Variants in IL18RAP observed in about 807,000 individuals in gnomAD.
IL18RAP encodes interleukin 18 receptor accessory protein.
In IL18RAP, 37 loss-of-function variants were observed where a neutral mutation model predicts 58.1. The ratio of observed to expected loss-of-function variants is 0.64; its 90% confidence interval spans 0.49 to 0.84. IL18RAP has a LOEUF of 0.84. Among genes scored for constraint, IL18RAP ranks in the 40% least tolerant of loss-of-function variants. The probability of loss-of-function intolerance (pLI) is 0.00; values close to 1 mark genes in which losing one functional copy is unlikely to be tolerated. For synonymous variants in IL18RAP, 268 were observed against 257.5 expected (o/e 1.04, Z -0.39); for missense variants, 667 against 704.8 (o/e 0.95, Z 0.61).
At chr2:102,433,329 C>A (rs1333050738) in intron 3 of IL18RAP, among the ~76,000 whole-genome samples, 1 of 152,142 alleles carries the variant, frequency 6.6e-6, no homozygotes, top group Non-Finnish European at 1.5e-5. Context: ...CCCAAGTGAT[C>A]CTCCAGCCTT....
intron 3 of IL18RAP, among the ~76,000 whole-genome samples, chr2:102,431,346 ATTCT>A (rs1174794991): frequency 6.6e-6 from 1 of 152,102 alleles, no homozygotes; most frequent in Non-Finnish European, 1.5e-5. Context: ...TACTTTCAAT[ATTCT>A]TTCTTTGTCT....
intron 3 of IL18RAP, among the ~76,000 whole-genome samples, chr2:102,425,256 A>T (rs1290779288): frequency 6.6e-6 from 1 of 152,192 alleles, no homozygotes; most frequent in Admixed American, 6.5e-5. Flanking sequence ...TAAAAATATC[A>T]TTCTAAATTG....
upstream of IL18RAP, among the ~76,000 whole-genome samples, chr2:102,422,626 T>A (rs2104286079): frequency 6.6e-6 from 1 of 152,310 alleles, no homozygotes; most frequent in Non-Finnish European, 1.5e-5. Context: ...CAGATCTGAT[T>A]CTCTGGAGGG....
At chr2:102,420,486 C>T (rs1341825746), upstream of IL18RAP, among the ~76,000 whole-genome samples, 3 of 152,084 alleles carry the variant, frequency 2.0e-5, no homozygotes, top group Non-Finnish European at 2.9e-5. Context: ...AGGTCTGAGG[C>T]CAGTTGGTGG....
Position 102,431,525 on chromosome 2 carries a change from T to C in IL18RAP, c.580-5687T>C, listed in dbSNP as rs532393764. ...ATATGCTTTCTGACTTCTTTTTTCTTCCATCTTCCAAAATTCCTAATATGT... is the reference window on the plus strand; with the variant it reads ...ATATGCTTTCTGACTTCTTTTTTCTCCCATCTTCCAAAATTCCTAATATGT... On this transcript the variant is annotated intron_variant, in intron 3 of 9. Coordinates refer to ENST00000687160, the MANE Select transcript of IL18RAP (RefSeq NM_001393487.1). Among the ~76,000 whole-genome samples, 10 of 152,298 alleles carry C rather than the reference T, an allele frequency of 6.6e-5. No homozygotes were observed. The South Asian group carries it at 2.1e-3, about 32-fold the overall frequency.
intron 4 of IL18RAP, among the ~76,000 whole-genome samples, chr2:102,438,208 G>T (rs1030108968): frequency 1.3e-5 from 2 of 152,194 alleles, no homozygotes; most frequent in South Asian, 4.1e-4. Flanking sequence ...GCAAGCATCA[G>T]CTTGAATCAA....
Position 102,450,893 on chromosome 2 carries a change from CT to C in IL18RAP, c.1260del (p.Pro421GlnfsTer8). On this transcript the variant is annotated frameshift_variant, in exon 9 of 10. Transcript: ENST00000687160. LOFTEE classifies it high-confidence loss of function. ...TTCGTATCCTATGCAAAATGGAGCT[CT>C]TTTCCAAGTGAGGCCACTTCATCTC... ...DAFVSYAKWSSFPSEATSSLS... is the reference protein window; with the variant it reads ...DAFVSYAKWSXFPSEATSSLS... 1 of 1,610,400 alleles carries C rather than the reference CT, an allele frequency of 6.2e-7. No individual in the cohort carries two copies. The highest frequency in any genetic ancestry group is 8.5e-7 in the Non-Finnish European group (1 of 1,178,810).
At chr2:102,434,139 C>T (rs1399064308) in intron 3 of IL18RAP, 1 of 152,222 alleles carries the variant, frequency 6.6e-6, no homozygotes, top group African/African-American at 2.4e-5. Context: ...GGACAGCTTT[C>T]TAACACCTGT....
chr2:102,446,717 C>T (rs1205761907), intron 7 of IL18RAP, among the ~76,000 whole-genome samples: 3 of 150,360 alleles, frequency 2.0e-5, no homozygotes, highest in East Asian at 1.9e-4. Context: ...AGGAGAATGG[C>T]GTGAACCCGG....
At position 102,450,789 on chromosome 2, in the gene IL18RAP, C is replaced by T. The variant is rs1199376118; in HGVS notation, c.1211-59C>T. On this transcript the variant is annotated intron_variant, in intron 8 of 9. Transcript: ENST00000687160. ...ATGATTCAAGCATATGTATGTGTAC[C>T]ATAACAGTAAAAAAAAGAGTAAATG... 4 of 1,101,496 alleles carry T rather than the reference C, an allele frequency of 3.6e-6. No homozygotes were observed. The African/African-American group carries it at 6.3e-5, about 17-fold the overall frequency. 68.2% of individuals were successfully genotyped at this position (1,101,496 alleles called of 1,614,324 possible). A position where few individuals can be genotyped will look rare whatever the true frequency, so the allele number is the denominator to read the frequency against.
chr2:102,432,301 G>A (rs1682424210), intron 3 of IL18RAP: 1 of 153,850 alleles, frequency 6.5e-6, no homozygotes, highest in African/African-American at 2.4e-5. Flanking sequence ...GATTGCCTCT[G>A]ATCAGGCAAA....
chr2:102,446,004 C>T (rs970760066), intron 7 of IL18RAP, among the ~76,000 whole-genome samples: 67 of 152,178 alleles, frequency 4.4e-4, no homozygotes, highest in Middle Eastern at 3.2e-3. Context: ...CTGTAGTAAA[C>T]GCTCTGTGAA....
upstream of IL18RAP, chr2:102,419,593 A>G (rs376365979): frequency 3.3e-5 from 5 of 152,314 alleles, no homozygotes; most frequent in African/African-American, 1.2e-4. Context: ...GACCAACTGA[A>G]AGGGAAATCT....
At chr2:102,445,361 A>C (rs1683352105) in intron 7 of IL18RAP, 21 bp downstream of exon 7, 1 of 1,610,990 alleles carries the variant, frequency 6.2e-7, no homozygotes, top group Admixed American at 1.7e-5. Flanking sequence ...AAGGTTGCCC[A>C]GGAGGCATGA....
At position 102,445,233 on chromosome 2, in the gene IL18RAP, T is replaced by A. The variant is rs1558646004; in HGVS notation, c.965T>A (p.Ile322Asn). The A allele has an allele frequency of 6.2e-7, 1 of 1,614,088 alleles. No homozygotes were observed. ...GATGAAATCATTGAGCGTAATATCATCTTGGAAAAAGTCACTCAGCGTGAT... is the reference window on the plus strand; with the variant it reads ...GATGAAATCATTGAGCGTAATATCAACTTGGAAAAAGTCACTCAGCGTGAT... Reference protein sequence around the residue: ...LKDEIIERNIILEKVTQRDLR... With the variant: ...LKDEIIERNINLEKVTQRDLR... Residue 322 changes from isoleucine to asparagine, a missense_variant, in exon 7 of 10, where the codon ATC (isoleucine) becomes AAC (asparagine). Coordinates refer to ENST00000687160, the MANE Select transcript of IL18RAP (RefSeq NM_001393487.1).
In IL18RAP at chr2:102,443,219, C is replaced by T. The variant is rs748417529; in HGVS notation, c.816C>T (p.Ser272=). The stretch of plus-strand genomic sequence containing the variant: ...TTTCAGGAAAGCCTTTAACTATTAG[C>T]TGCAAAGCACGATTTGGCTTTGAAA... ...EVELGKPLTI[S]CKARFGFERV... Residue 272 remains serine, a synonymous_variant, in exon 6 of 10, where the codon AGC becomes AGT. Transcript: ENST00000687160. 1 of 1,613,020 alleles carries T rather than the reference C, an allele frequency of 6.2e-7. No homozygotes were observed.
At chr2:102,430,037 C>T (rs1002957727) in intron 3 of IL18RAP, among the ~76,000 whole-genome samples, 2 of 151,894 alleles carry the variant, frequency 1.3e-5, no homozygotes, top group East Asian at 3.9e-4. Context: ...GTGTATTCTG[C>T]TGCTGTTGGA....
chr2:102,423,882 T>C lies in IL18RAP; in HGVS notation c.142T>C (p.Leu48=). ...SEEEFVLFCD[L]PEPQKSHFCH... ...AGAGGAATTTGTCTTATTTTGTGAT[T>C]TACCAGAGCCACAGAAATCACATTT... is the stretch of plus-strand genomic sequence containing the variant. Residue 48 remains leucine (L), a synonymous_variant, in exon 2 of 10, where the codon TTA becomes CTA. Coordinates refer to ENST00000687160, the MANE Select transcript of IL18RAP (RefSeq NM_001393487.1). 6.2e-7 allele frequency: 1 copy of C among 1,614,058 alleles called. No individual in the cohort carries two copies. Among genetic ancestry groups the C allele is most frequent in the Admixed American group, 1.7e-5 (1 of 59,994 alleles).
upstream of IL18RAP, among the ~76,000 whole-genome samples, chr2:102,422,347 A>G (rs867157058): frequency 1.3e-5 from 2 of 152,096 alleles, no homozygotes; most frequent in African/African-American, 2.4e-5. Context: ...ATTTTCCATT[A>G]GCCCTGGCCT....
Sources: allele counts gnomAD v4.1 joint callset (sites outside exome capture counted in the v4.1 genomes callset), GRCh38; gene constraint gnomAD v4.1.1; transcripts MANE v1.5; gene names NCBI Gene and HGNC (gene_info 2026-07-23, HGNC 2026-07-21).